Variants in MAML2 observed in about 807,000 individuals in gnomAD.
The protein encoded by MAML2 is mastermind-like protein 2.
MAML2 carries 22 observed loss-of-function variants against 96.1 expected under a neutral mutation model. That is an observed-to-expected ratio of 0.23 (90% CI 0.16 to 0.33). The LOEUF is 0.33. Among genes scored for constraint, MAML2 ranks in the 10% least tolerant of loss-of-function variants. The probability of loss-of-function intolerance (pLI) is 1.00; values close to 1 mark genes in which losing one functional copy is unlikely to be tolerated. For missense variants in MAML2, 1,367 were observed against 1,392.4 expected, an observed-to-expected ratio of 0.98 and a Z score of 0.29; for synonymous variants, 561 against 521.3, an observed-to-expected ratio of 1.08 and a Z score of -1.04.
intron 1 of MAML2, among the ~76,000 whole-genome samples, chr11:96,150,471 T>C (rs1849070761): frequency 6.6e-6 from 1 of 151,980 alleles, no homozygotes; most frequent in Non-Finnish European, 1.5e-5. Context: ...GTTAATCTAG[T>C]AAGGGGATGG....
At chr11:96,290,233 T>G (rs1171728921) in intron 1 of MAML2, among the ~76,000 whole-genome samples, 3 of 152,222 alleles carry the variant, frequency 2.0e-5, no homozygotes, top group African/African-American at 7.2e-5. Context: ...AGCTGAACTC[T>G]AACAGAGATA....
intron 2 of MAML2, among the ~76,000 whole-genome samples, chr11:96,041,040 C>A (rs1432764537): frequency 2.0e-5 from 3 of 152,094 alleles, no homozygotes; most frequent in South Asian, 2.1e-4. Context: ...TGTGATTATA[C>A]CACAATTTAT....
At chr11:96,198,724 A>T (rs1014142725) in intron 1 of MAML2, among the ~76,000 whole-genome samples, 7 of 152,050 alleles carry the variant, frequency 4.6e-5, no homozygotes, top group African/African-American at 1.7e-4. Context: ...TTCCGGAAGG[A>T]GGAACAATAT....
intron 2 of MAML2, among the ~76,000 whole-genome samples, chr11:96,019,676 AATAATAATT>A (rs201858416): frequency 0.39 from 3,461 of 8,950 alleles, 77 homozygotes; most frequent in African/African-American, 0.49. Flanking sequence ...AAGGGCTGAT[AATAATAATT>A]ATAATAATAA....
intron 1 of MAML2, among the ~76,000 whole-genome samples, chr11:96,280,130 C>T (rs922701955): frequency 6.6e-6 from 1 of 152,188 alleles, no homozygotes; most frequent in African/African-American, 2.4e-5. Context: ...AACTGCTATG[C>T]TATTTCACCC....
intron 1 of MAML2, among the ~76,000 whole-genome samples, chr11:96,225,124 C>A (rs967093699): frequency 6.6e-5 from 10 of 152,188 alleles, no homozygotes. Context: ...AAGGTGAAAA[C>A]TACCTTCTTC....
At chr11:96,252,147 G>A (rs1862590528) in intron 1 of MAML2, among the ~76,000 whole-genome samples, 1 of 151,788 alleles carries the variant, frequency 6.6e-6, no homozygotes, top group South Asian at 2.1e-4. Context: ...TCGTTATGCT[G>A]TTGGGAAATA....
intron 2 of MAML2, among the ~76,000 whole-genome samples, chr11:96,026,755 G>A (rs899775319): frequency 4.7e-5 from 7 of 149,978 alleles, no homozygotes; most frequent in South Asian, 4.2e-4. Context: ...GATGCAACAC[G>A]AGTAGATACG....
chr11:96,153,544 C>T (rs919935555), intron 1 of MAML2, among the ~76,000 whole-genome samples: 1 of 152,140 alleles, frequency 6.6e-6, no homozygotes, highest in African/African-American at 2.4e-5. Flanking sequence ...AGGTTTTTGA[C>T]ATTCTCTCAA....
chr11:96,308,646 C>T (rs1863498726), intron 1 of MAML2, among the ~76,000 whole-genome samples: 1 of 152,210 alleles, frequency 6.6e-6, no homozygotes, highest in Admixed American at 6.5e-5. Flanking sequence ...TCAGAATACA[C>T]TTCCCAAAAA....
chr11:96,055,465 G>A (rs184935836), intron 2 of MAML2, among the ~76,000 whole-genome samples: 96 of 152,302 alleles, frequency 6.3e-4, no homozygotes, highest in Non-Finnish European at 1.9e-4. Flanking sequence ...AGAAGTGAGG[G>A]TAAATGAATA....
chr11:96,047,449 A>T (rs551447536), intron 2 of MAML2, among the ~76,000 whole-genome samples: 4 of 152,202 alleles, frequency 2.6e-5, no homozygotes, highest in Non-Finnish European at 5.9e-5. Context: ...TTTACTTTAC[A>T]GGTATGCTTT....
chr11:96,212,649 T>C (rs1444862759), intron 1 of MAML2, among the ~76,000 whole-genome samples: 1 of 152,060 alleles, frequency 6.6e-6, no homozygotes, highest in Non-Finnish European at 1.5e-5. Flanking sequence ...CAATCTCTAG[T>C]AGAAGTGCTA....
At chr11:96,289,680 GCA>G (rs1863184076) in intron 1 of MAML2, among the ~76,000 whole-genome samples, 1 of 152,142 alleles carries the variant, frequency 6.6e-6, no homozygotes, top group Non-Finnish European at 1.5e-5. Context: ...GGGAATATGT[GCA>G]ATACAAAGTG....
intron 1 of MAML2, among the ~76,000 whole-genome samples, chr11:96,151,554 G>A (rs561703269): frequency 2.6e-5 from 4 of 152,288 alleles, no homozygotes; most frequent in South Asian, 2.1e-4. Context: ...TGATTGGATC[G>A]TGGGGATGCT....
At chr11:96,200,865 T>C (rs16923247) in intron 1 of MAML2, among the ~76,000 whole-genome samples, 1 of 152,032 alleles carries the variant, frequency 6.6e-6, no homozygotes, top group Non-Finnish European at 1.5e-5. Context: ...TCACATACCA[T>C]GAACCAAGAG....
intron 1 of MAML2, among the ~76,000 whole-genome samples, chr11:96,116,102 G>A (rs1426931342): frequency 6.6e-6 from 1 of 152,180 alleles, no homozygotes; most frequent in African/African-American, 2.4e-5. Context: ...AGACAGCAGA[G>A]GGGCATTAAG....
At chr11:96,021,076 A>G (rs1484203097) in intron 2 of MAML2, among the ~76,000 whole-genome samples, 2 of 152,080 alleles carry the variant, frequency 1.3e-5, no homozygotes, top group Non-Finnish European at 2.9e-5. Context: ...GTAGAGTTAT[A>G]TGTAAATGTG....
chr11:96,305,206 G>A (rs1030581867), intron 1 of MAML2, among the ~76,000 whole-genome samples: 1 of 152,084 alleles, frequency 6.6e-6, no homozygotes, highest in Admixed American at 6.6e-5. Context: ...TAAGGGAGAG[G>A]GAAGGATAAA....
Sources: allele counts gnomAD v4.1 joint callset (sites outside exome capture counted in the v4.1 genomes callset), GRCh38; gene constraint gnomAD v4.1.1; transcripts MANE v1.5; gene names NCBI Gene and HGNC (gene_info 2026-07-23, HGNC 2026-07-21).